Variants in AKT3 observed in about 807,000 individuals in gnomAD.
The protein encoded by AKT3 is RAC-gamma serine/threonine-protein kinase.
A neutral mutation model predicts 65.3 loss-of-function variants in AKT3; 15 were observed. The observed-to-expected ratio is 0.23, with a 90% CI of 0.15 to 0.35. The LOEUF (loss-of-function observed/expected upper bound fraction) is 0.35. AKT3 is among the 10% of genes least tolerant of loss of function. The pLI is 1.00. For missense variants in AKT3, 243 were observed against 576.5 expected (o/e 0.42, Z 5.92); for synonymous variants, 206 against 183.8 (o/e 1.12, Z -0.98).
chr1:243,646,802 TTTCA>T (rs1680855003), intron 4 of AKT3, among the ~76,000 whole-genome samples: 1 of 152,170 alleles, frequency 6.6e-6, no homozygotes, highest in Admixed American at 6.5e-5. Context: ...AGCCAAAACC[TTTCA>T]TTGTTTCCAG....
chr1:243,578,360 G>T (rs1036797143), intron 8 of AKT3, among the ~76,000 whole-genome samples: 3 of 152,138 alleles, frequency 2.0e-5, no homozygotes, highest in Admixed American at 6.5e-5. Context: ...GCCATAAAAA[G>T]GAATGAGCTC....
chr1:243,662,343 T>C (rs1682420498), intron 4 of AKT3, among the ~76,000 whole-genome samples: 1 of 152,080 alleles, frequency 6.6e-6, no homozygotes, highest in South Asian at 2.1e-4. Context: ...GAAGAAAATG[T>C]GGCATAAATA....
chr1:243,489,127 G>T, intron 13 of AKT3: 1 of 1,612,550 alleles, frequency 6.2e-7, no homozygotes, highest in Non-Finnish European at 8.5e-7. Flanking sequence ...GAGGTGGACC[G>T]GCTGCGGACC....
At position 243,502,200 on chromosome 1, in the gene AKT3, G is replaced by A. The variant is rs774045853; in HGVS notation, c.*3049C>T. The A allele has an allele frequency of 1.3e-5, 3 of 232,210 alleles. No individual in the cohort carries two copies. The highest frequency in any genetic ancestry group is 4.4e-5 in the African/African-American group (2 of 45,260). The allele number at this position is 232,210 out of a possible 1,614,324, so 14.4% of individuals were successfully genotyped here. A position where few individuals can be genotyped will look rare whatever the true frequency, so the allele number is the denominator to read the frequency against. On this transcript the variant is annotated 3_prime_UTR_variant, in exon 14 of 14. Coordinates refer to ENST00000673466, the MANE Select transcript of AKT3 (RefSeq NM_005465.7). Reference sequence around the variant, plus strand: ...AATTCTACTGTAGACAGTACAAACAGTAGCAGCAAAGTGTGTATGTTGAGG... The same window carrying A: ...AATTCTACTGTAGACAGTACAAACAATAGCAGCAAAGTGTGTATGTTGAGG...
rs1680853639 is a variant in AKT3 at position 243,646,784 on chromosome 1, G to A, written c.285-747C>T. Among the ~76,000 whole-genome samples, 4 of 151,952 alleles carry A rather than the reference G, an allele frequency of 2.6e-5. No homozygotes were observed. In the South Asian group the frequency reaches 8.3e-4, roughly 32 times the overall value. The stretch of plus-strand genomic sequence containing the variant: ...GGTCCAACAGACATTCCAAGGAAAG[G>A]TTTTCAAAGCCAAAACCTTTCATTG... On this transcript the variant is annotated intron_variant, in intron 4 of 13. Transcript: ENST00000673466.
intron 4 of AKT3, among the ~76,000 whole-genome samples, chr1:243,662,750 G>A (rs946901884): frequency 2.6e-5 from 4 of 151,780 alleles, no homozygotes; most frequent in Non-Finnish European, 5.9e-5. Flanking sequence ...AAAAAATCAA[G>A]TCATATAGAA....
intron 6 of AKT3, among the ~76,000 whole-genome samples, chr1:243,627,736 G>A (rs753823691): frequency 1.3e-5 from 2 of 152,120 alleles, no homozygotes; most frequent in Non-Finnish European, 2.9e-5. Flanking sequence ...ACATTCTACA[G>A]GCAACTAAAA....
At chr1:243,661,494 C>T (rs1432370191) in intron 4 of AKT3, among the ~76,000 whole-genome samples, 4 of 150,312 alleles carry the variant, frequency 2.7e-5, no homozygotes, top group African/African-American at 9.8e-5. Flanking sequence ...GGAAAACTGG[C>T]TAGCCATATG....
intron 4 of AKT3, among the ~76,000 whole-genome samples, chr1:243,654,518 T>G (rs906810624): frequency 6.6e-6 from 1 of 152,126 alleles, no homozygotes; most frequent in Non-Finnish European, 1.5e-5. Context: ...AGGATCTCAC[T>G]ATGTTGCCCA....
chr1:243,686,724 G>C (rs1684353976), intron 3 of AKT3, among the ~76,000 whole-genome samples: 2 of 124,716 alleles, frequency 1.6e-5, no homozygotes, highest in Admixed American at 1.9e-4. Flanking sequence ...CTTGAGTACA[G>C]TGGCATGGTC....
chr1:243,655,832 A>G (rs1242517246), intron 4 of AKT3, among the ~76,000 whole-genome samples: 8 of 151,972 alleles, frequency 5.3e-5, no homozygotes, highest in Admixed American at 3.9e-4. Flanking sequence ...GCTACTCAAA[A>G]TCTCTCCATC....
intron 3 of AKT3, among the ~76,000 whole-genome samples, chr1:243,681,258 T>C (rs1353402739): frequency 6.6e-6 from 1 of 152,216 alleles, no homozygotes; most frequent in Non-Finnish European, 1.5e-5. Context: ...TATATATATG[T>C]ATGTAAAATA....
intron 13 of AKT3, among the ~76,000 whole-genome samples, chr1:243,510,754 T>C (rs1277387534): frequency 1.3e-5 from 2 of 152,164 alleles, no homozygotes; most frequent in East Asian, 3.8e-4. Context: ...CAAACCAGTG[T>C]GAGCAAGTTT....
At chr1:243,563,627 GTAGATACTACAGTT>G in intron 10 of AKT3, 79 bp downstream of exon 10, 1 of 1,426,906 alleles carries the variant, frequency 7.0e-7, no homozygotes. Context: ...GATAAAAGTA[GTAGATACTACAGTT>G]AACTTTTAAT....
intron 2 of AKT3, among the ~76,000 whole-genome samples, chr1:243,723,690 C>G (rs1442014326): frequency 6.6e-6 from 1 of 152,032 alleles, no homozygotes; most frequent in Non-Finnish European, 1.5e-5. Flanking sequence ...CTTTGGGAGG[C>G]CAAGGTGGGA....
intron 2 of AKT3, among the ~76,000 whole-genome samples, chr1:243,788,246 AG>A (rs1691389674): frequency 6.6e-6 from 1 of 152,228 alleles, no homozygotes; most frequent in African/African-American, 2.4e-5. Flanking sequence ...AACAAAACAT[AG>A]GAAAAAAACA....
intron 2 of AKT3, among the ~76,000 whole-genome samples, chr1:243,787,851 T>C (rs1691361466): frequency 6.6e-6 from 1 of 152,194 alleles, no homozygotes; most frequent in African/African-American, 2.4e-5. Flanking sequence ...GTCCTAGGTG[T>C]TCCTCCCACT....
intron 11 of AKT3, among the ~76,000 whole-genome samples, chr1:243,550,774 T>A (rs1672998508): frequency 8.9e-6 from 1 of 112,402 alleles, no homozygotes; most frequent in Non-Finnish European, 1.8e-5. Flanking sequence ...TGAAACCCCA[T>A]CTCTACTAAA....
At chr1:243,544,705 G>GT (rs138565455) in intron 12 of AKT3, among the ~76,000 whole-genome samples, 93,667 of 142,130 alleles carry the variant, frequency 0.66, 33,317 homozygotes, top group Non-Finnish European at 0.81. Flanking sequence ...TTTGTTTTTT[G>GT]TTTTTTTTTT....
Sources: gnomAD v4.1 joint callset for allele counts (sites outside exome capture counted in the v4.1 genomes callset) on GRCh38, gnomAD v4.1.1 for gene constraint, MANE v1.5 for transcripts, NCBI Gene and HGNC (gene_info 2026-07-23, HGNC 2026-07-21) for gene names.